The following CFAP70 variants were observed in gnomAD, a reference collection of about 807,000 sequenced individuals.
The protein encoded by CFAP70 is cilia- and flagella-associated protein 70.
Under a neutral mutation model 137.6 loss-of-function variants are expected in CFAP70, and 81 were observed. The observed-to-expected ratio is 0.59, with a 90% confidence interval of 0.49 to 0.71. CFAP70 has a LOEUF of 0.71. Among genes scored for constraint, CFAP70 ranks in the 30% least tolerant of loss-of-function variants. CFAP70 has a pLI of 0.00. For missense variants in CFAP70, 976 were observed against 1,226.7 expected (o/e 0.80, Z 3.05); for synonymous variants, 382 against 423.6 (o/e 0.90, Z 1.20).
At chr10:73,299,027 T>G in exon 14 of CFAP70, 1 of 1,614,050 alleles carries the variant, frequency 6.2e-7, no homozygotes. Flanking sequence ...CCACCTGTTT[T>G]CCAAACATTC....
intron 25 of CFAP70, among the ~76,000 whole-genome samples, chr10:73,263,537 C>A (rs973050395): frequency 2.0e-5 from 3 of 152,062 alleles, no homozygotes; most frequent in Admixed American, 1.3e-4. Context: ...AAACTATTCC[C>A]CAATTCATAT....
At chr10:73,354,832 G>A (rs931799072) in exon 2 of CFAP70, 1 of 1,593,220 alleles carries the variant, frequency 6.3e-7, no homozygotes. Flanking sequence ...GTTTTCTTTG[G>A]TCTCTGTAAA....
At chr10:73,261,872 G>A (rs1470369455) in intron 25 of CFAP70, among the ~76,000 whole-genome samples, 1 of 150,586 alleles carries the variant, frequency 6.6e-6, no homozygotes, top group Non-Finnish European at 1.5e-5. Flanking sequence ...TATTTTAAGG[G>A]GTATTTTAAA....
chr10:73,279,523 C>CAATAAATAAATAAATAAATA (rs35709122), intron 19 of CFAP70, among the ~76,000 whole-genome samples: 3 of 129,336 alleles, frequency 2.3e-5, no homozygotes, highest in Non-Finnish European at 3.3e-5. Flanking sequence ...GACTCTGTCT[C>CAATAAATAAATAAATAAATA]AATAAATAAA....
intron 9 of CFAP70, among the ~76,000 whole-genome samples, chr10:73,314,381 C>A (rs1400706178): frequency 6.6e-6 from 1 of 152,180 alleles, no homozygotes; most frequent in Non-Finnish European, 1.5e-5. Context: ...AAATCACTCA[C>A]AATCCTACCA....
intron 6 of CFAP70, among the ~76,000 whole-genome samples, chr10:73,338,539 TCCTACCTCAG>T (rs781022784): frequency 1.3e-5 from 2 of 151,508 alleles, no homozygotes; most frequent in African/African-American, 2.4e-5. Flanking sequence ...CAAGTGGTTC[TCCTACCTCAG>T]CCTCCCGAGT....
chr10:73,308,020 C>T lies in CFAP70; in HGVS notation c.1256+2138G>A, dbSNP rs563593374. On this transcript the variant is annotated intron_variant, in intron 12 of 26. Coordinates refer to ENST00000310715, the Ensembl canonical transcript of CFAP70. ...AAAAAAAAAAAAATGCTGGGTGCAG[C>T]GATGTGCTCCTATAGTCCCAGCTAC... Among the ~76,000 whole-genome samples, 101 of 150,388 alleles carry T rather than the reference C, an allele frequency of 6.7e-4. 1 individual carries two copies. The highest frequency in any genetic ancestry group is 9.9e-4 in the Non-Finnish European group (67 of 67,670).
chr10:73,277,971 T>C (rs1336719083), intron 20 of CFAP70, among the ~76,000 whole-genome samples: 1 of 152,226 alleles, frequency 6.6e-6, no homozygotes, highest in Non-Finnish European at 1.5e-5. Flanking sequence ...CGAAGAACTG[T>C]TAGGAAATCA....
chr10:73,344,652 A>G (rs1351992913), intron 5 of CFAP70, among the ~76,000 whole-genome samples: 1 of 152,236 alleles, frequency 6.6e-6, no homozygotes, highest in Non-Finnish European at 1.5e-5. Flanking sequence ...ATCTCCATCA[A>G]GAGCCTAAGA....
intron 23 of CFAP70, among the ~76,000 whole-genome samples, chr10:73,273,688 T>C (rs2046478838): frequency 6.6e-6 from 1 of 152,232 alleles, no homozygotes; most frequent in Non-Finnish European, 1.5e-5. Flanking sequence ...GGGATAGGGA[T>C]TTCTCTCAAG....
chr10:73,284,698 G>C (rs571397527), intron 19 of CFAP70, among the ~76,000 whole-genome samples: 5 of 107,982 alleles, frequency 4.6e-5, no homozygotes, highest in East Asian at 2.9e-4. Context: ...TGTTAAGACA[G>C]AGCTGCAAAC....
chr10:73,311,625 G>A (rs1288325200), intron 11 of CFAP70, among the ~76,000 whole-genome samples: 1 of 152,106 alleles, frequency 6.6e-6, no homozygotes, highest in African/African-American at 2.4e-5. Context: ...TTTTAATGCT[G>A]GAAAGGACCT....
chr10:73,346,088 G>A (rs1225142553), intron 4 of CFAP70, among the ~76,000 whole-genome samples: 3 of 151,078 alleles, frequency 2.0e-5, no homozygotes, highest in Non-Finnish European at 4.4e-5. Context: ...TAGTAGAGAC[G>A]GGGTTTCAAC....
At chr10:73,266,851 T>A (rs2045821396) in intron 25 of CFAP70, among the ~76,000 whole-genome samples, 1 of 152,186 alleles carries the variant, frequency 6.6e-6, no homozygotes, top group South Asian at 2.1e-4. Context: ...ATTTTGTTAA[T>A]CCTATTATGT....
At chr10:73,361,181 T>C (rs542964908), upstream of CFAP70, among the ~76,000 whole-genome samples, 57 of 151,942 alleles carry the variant, frequency 3.8e-4, no homozygotes, top group Middle Eastern at 6.8e-3. Context: ...GTATTTTTAG[T>C]AGAGACAGGG....
At chr10:73,318,693 A>C (rs186571708) in intron 9 of CFAP70, among the ~76,000 whole-genome samples, 3 of 152,330 alleles carry the variant, frequency 2.0e-5, no homozygotes. Context: ...TTCAGAATTC[A>C]AACTCCAGGC....
chr10:73,298,421 A>G (rs570901271), intron 14 of CFAP70, among the ~76,000 whole-genome samples: 5 of 152,182 alleles, frequency 3.3e-5, no homozygotes, highest in Non-Finnish European at 5.9e-5. Flanking sequence ...TTGTTTATAC[A>G]TTCTGAATTT....
intron 1 of CFAP70, among the ~76,000 whole-genome samples, chr10:73,358,293 A>G (rs2054821621): frequency 1.3e-5 from 2 of 152,118 alleles, no homozygotes; most frequent in Admixed American, 1.3e-4. Flanking sequence ...ATAGGACTAA[A>G]GTTATAGTCA....
chr10:73,287,525 T>C (rs929437713), intron 19 of CFAP70, among the ~76,000 whole-genome samples: 1 of 152,204 alleles, frequency 6.6e-6, no homozygotes, highest in African/African-American at 2.4e-5. Flanking sequence ...TTCTATTTTA[T>C]TATTTATTAA....
Sources: allele counts gnomAD v4.1 joint callset (sites outside exome capture counted in the v4.1 genomes callset), GRCh38; gene constraint gnomAD v4.1.1; transcripts MANE v1.5; gene names NCBI Gene and HGNC (gene_info 2026-07-23, HGNC 2026-07-21).